The following CTNNA3 variants were observed in gnomAD, a reference collection of about 807,000 sequenced individuals.
CTNNA3 encodes the protein catenin alpha 3.
A neutral mutation model predicts 95.7 loss-of-function variants in CTNNA3; 76 were observed. That is an observed-to-expected ratio of 0.79 (90% CI 0.66 to 0.96). The LOEUF is 0.96. Among genes scored for constraint, CTNNA3 ranks in the 40% least tolerant of loss-of-function variants. The pLI, the probability that CTNNA3 is intolerant of heterozygous loss-of-function variation, is 0.00. For synonymous variants in CTNNA3, 431 were observed against 374.4 expected (o/e 1.15, Z -1.74); for missense variants, 1,191 against 1,089.8 (o/e 1.09, Z -1.31).
intron 5 of CTNNA3, among the ~76,000 whole-genome samples, chr10:67,230,097 C>A (rs1366264328): frequency 6.6e-6 from 1 of 152,182 alleles, no homozygotes; most frequent in African/African-American, 2.4e-5. Context: ...GACATGAAAA[C>A]AGAGTGGTAC....
At chr10:66,310,162 CT>C (rs1401870919) in intron 12 of CTNNA3, among the ~76,000 whole-genome samples, 1 of 151,536 alleles carries the variant, frequency 6.6e-6, no homozygotes. Context: ...TCTCAATGGC[CT>C]TTTTTAGAAT....
intron 17 of CTNNA3, among the ~76,000 whole-genome samples, chr10:65,952,737 G>C (rs1471446049): frequency 1.3e-5 from 2 of 152,116 alleles, no homozygotes; most frequent in South Asian, 2.1e-4. Flanking sequence ...AATTATTGCT[G>C]TTTCCTATCT....
chr10:66,096,644 C>T (rs1374300683), intron 14 of CTNNA3, among the ~76,000 whole-genome samples: 1 of 151,590 alleles, frequency 6.6e-6, no homozygotes, highest in Non-Finnish European at 1.5e-5. Flanking sequence ...CCACCTTACC[C>T]TTCCTAGTAG....
At chr10:66,484,723 G>A (rs917221147) in intron 11 of CTNNA3, among the ~76,000 whole-genome samples, 2 of 151,864 alleles carry the variant, frequency 1.3e-5, no homozygotes, top group Non-Finnish European at 2.9e-5. Flanking sequence ...GACCAAACTC[G>A]TTTTACAAGG....
intron 13 of CTNNA3, among the ~76,000 whole-genome samples, chr10:66,155,722 A>G (rs567517812): frequency 5.9e-5 from 9 of 152,094 alleles, no homozygotes; most frequent in Admixed American, 1.3e-4. Flanking sequence ...GTGTTATATA[A>G]AAGTAAAATA....
chr10:66,287,873 C>A (rs892213271), intron 12 of CTNNA3, among the ~76,000 whole-genome samples: 1 of 151,886 alleles, frequency 6.6e-6, no homozygotes, highest in African/African-American at 2.4e-5. Context: ...AAGATCAAAA[C>A]GTGGGGCTGA....
intron 14 of CTNNA3, among the ~76,000 whole-genome samples, chr10:66,076,980 CTAGAGA>C (rs950653061): frequency 6.6e-6 from 1 of 151,488 alleles, no homozygotes; most frequent in Non-Finnish European, 1.5e-5. Context: ...TCTCCTTGTT[CTAGAGA>C]TAAATAAAGG....
chr10:67,613,423 A>G (rs1843531042), intron 2 of CTNNA3, among the ~76,000 whole-genome samples: 1 of 152,170 alleles, frequency 6.6e-6, no homozygotes, highest in African/African-American at 2.4e-5. Context: ...TTAAATCAAG[A>G]GTCACAATGT....
chr10:67,156,156 T>C (rs933706263), intron 7 of CTNNA3, among the ~76,000 whole-genome samples: 22 of 152,102 alleles, frequency 1.4e-4, no homozygotes, highest in Non-Finnish European at 3.2e-4. Flanking sequence ...CTGTCATTTA[T>C]AATTTTATTT....
intron 1 of CTNNA3, among the ~76,000 whole-genome samples, chr10:67,720,096 C>T (rs1841170283): frequency 2.2e-5 from 2 of 88,938 alleles, no homozygotes; most frequent in African/African-American, 9.5e-5. Flanking sequence ...GGTTTAAAGT[C>T]TGTTTTATCA....
At chr10:66,098,887 G>T (rs1368546929) in intron 14 of CTNNA3, 2 of 152,138 alleles carry the variant, frequency 1.3e-5, no homozygotes, top group East Asian at 3.9e-4. Context: ...CACTTCGTAA[G>T]TCATGCATTA....
At chr10:67,650,719 A>T (rs1230115567) in intron 1 of CTNNA3, among the ~76,000 whole-genome samples, 1 of 152,184 alleles carries the variant, frequency 6.6e-6, no homozygotes, top group Non-Finnish European at 1.5e-5. Context: ...GAACTAGCTC[A>T]TTGCTTGCCA....
chr10:67,744,726 A>T (rs1841364455), intron 1 of CTNNA3, among the ~76,000 whole-genome samples: 2 of 147,574 alleles, frequency 1.4e-5, no homozygotes, highest in Non-Finnish European at 3.0e-5. Context: ...AACCTACAGA[A>T]TGGGAGAAAA....
chr10:67,746,448 A>G (rs1157438874), intron 1 of CTNNA3, among the ~76,000 whole-genome samples: 1 of 152,006 alleles, frequency 6.6e-6, no homozygotes, highest in Non-Finnish European at 1.5e-5. Flanking sequence ...GGCTTCCACC[A>G]AGAAGAACCA....
intron 14 of CTNNA3, among the ~76,000 whole-genome samples, chr10:66,082,104 C>A (rs942119394): frequency 2.0e-5 from 3 of 150,720 alleles, no homozygotes; most frequent in African/African-American, 4.9e-5. Flanking sequence ...GGCAACAGAG[C>A]AAAACTCTGG....
chr10:66,906,982 T>C (rs983160574), intron 7 of CTNNA3, among the ~76,000 whole-genome samples: 1 of 152,128 alleles, frequency 6.6e-6, no homozygotes. Flanking sequence ...TTACATAACA[T>C]AATGCTAAAC....
chr10:67,101,380 T>C (rs543514123), intron 7 of CTNNA3, among the ~76,000 whole-genome samples: 11 of 151,914 alleles, frequency 7.2e-5, no homozygotes, highest in Non-Finnish European at 1.5e-4. Context: ...TTTTTCTTTT[T>C]TTCTTTTGGC....
intron 9 of CTNNA3, among the ~76,000 whole-genome samples, chr10:66,705,428 G>C (rs1211806506): frequency 6.6e-6 from 1 of 151,876 alleles, no homozygotes; most frequent in Non-Finnish European, 1.5e-5. Flanking sequence ...GTATATACTT[G>C]GTAATAGGTA....
At chr10:67,714,441 C>T (rs1194602327) in intron 1 of CTNNA3, among the ~76,000 whole-genome samples, 1 of 152,140 alleles carries the variant, frequency 6.6e-6, no homozygotes, top group African/African-American at 2.4e-5. Context: ...GGCCTGTAGC[C>T]CCTTTGTTTT....
Sources: gnomAD v4.1 joint callset for allele counts (sites outside exome capture counted in the v4.1 genomes callset) on GRCh38, gnomAD v4.1.1 for gene constraint, MANE v1.5 for transcripts, NCBI Gene and HGNC (gene_info 2026-07-23, HGNC 2026-07-21) for gene names.